PPARG: variants seen among roughly 807,000 people sequenced by gnomAD.
The protein encoded by PPARG is peroxisome proliferator activated receptor gamma, also known as peroxisome proliferator-activated receptor gamma.
PPARG carries 17 observed loss-of-function variants against 39.2 expected under a neutral mutation model. The ratio of observed to expected loss-of-function variants is 0.43; its 90% CI spans 0.30 to 0.65. The LOEUF (loss-of-function observed/expected upper bound fraction) is 0.65. PPARG is among the 30% of genes least tolerant of loss of function. The probability of loss-of-function intolerance (pLI) is 0.13; values close to 1 mark genes in which losing one functional copy is unlikely to be tolerated. For missense variants in PPARG, 406 were observed against 585.9 expected, an observed-to-expected ratio of 0.69 and a Z score of 3.17; for synonymous variants, 223 against 215.7, an observed-to-expected ratio of 1.03 and a Z score of -0.30.
intron 7 of PPARG, among the ~76,000 whole-genome samples, chr3:12,417,902 CTTTTTTTTTTTTT>C (rs869086237): frequency 1.5e-5 from 1 of 65,900 alleles, no homozygotes; most frequent in Non-Finnish European, 2.7e-5. Context: ...TTTTTTTTTC[CTTTTTTTTTTTTT>C]TTTTTTTTTT....
intron 2 of PPARG, among the ~76,000 whole-genome samples, chr3:12,336,627 A>G (rs753372541): frequency 1.8e-4 from 28 of 152,342 alleles, no homozygotes; most frequent in Non-Finnish European, 3.8e-4. Context: ...TCTCCTTTAG[A>G]GTCCTCCAGA....
chr3:12,351,439 A>G (rs754803094), intron 2 of PPARG: 31 of 681,736 alleles, frequency 4.5e-5, no homozygotes, highest in African/African-American at 7.1e-5. Context: ...GTTTATTCCC[A>G]TCTCTCCCAA....
chr3:12,354,753 CAAAAAA>C (rs71063823), intron 2 of PPARG, among the ~76,000 whole-genome samples: 1 of 116,232 alleles, frequency 8.6e-6, no homozygotes. Context: ...GACTCCATCT[CAAAAAA>C]AAAAAAAAAA....
intron 2 of PPARG, among the ~76,000 whole-genome samples, chr3:12,375,245 G>A (rs556922298): frequency 0.013 from 1,895 of 148,060 alleles, 78 homozygotes; most frequent in African/African-American, 0.044. Context: ...TGGGGAGGTG[G>A]GAGAGAGAGA....
chr3:12,361,246 G>A (rs2048837308), intron 2 of PPARG, among the ~76,000 whole-genome samples: 1 of 151,978 alleles, frequency 6.6e-6, no homozygotes, highest in Non-Finnish European at 1.5e-5. Context: ...TTTTTATATT[G>A]AGTACTTTAG....
intron 2 of PPARG, among the ~76,000 whole-genome samples, chr3:12,323,288 T>C (rs2047599187): frequency 6.6e-6 from 1 of 152,174 alleles, no homozygotes; most frequent in South Asian, 2.1e-4. Context: ...TTGATGAAGA[T>C]GTGAAGTTAG....
At chr3:12,388,297 C>T (rs898541435) in intron 4 of PPARG, among the ~76,000 whole-genome samples, 3 of 152,134 alleles carry the variant, frequency 2.0e-5, no homozygotes, top group African/African-American at 7.2e-5. Context: ...TGAAAACTCT[C>T]CAAAACAACA....
intron 5 of PPARG, among the ~76,000 whole-genome samples, chr3:12,404,836 T>C (rs1475318371): frequency 2.0e-5 from 3 of 152,086 alleles, no homozygotes; most frequent in Non-Finnish European, 4.4e-5. Flanking sequence ...AAAAATCTCT[T>C]TGTTCTGGGA....
intron 7 of PPARG, among the ~76,000 whole-genome samples, chr3:12,431,530 C>T (rs928517031): frequency 6.6e-6 from 1 of 152,030 alleles, no homozygotes; most frequent in South Asian, 2.1e-4. Context: ...ACAAAACACA[C>T]AATTTTTAAA....
At chr3:12,365,278 C>G (rs992704937) in intron 2 of PPARG, among the ~76,000 whole-genome samples, 4 of 152,314 alleles carry the variant, frequency 2.6e-5, no homozygotes, top group African/African-American at 9.6e-5. Context: ...GGTTGGGAAC[C>G]CCTGCTTTAT....
At chr3:12,345,643 A>G (rs985540917) in intron 2 of PPARG, among the ~76,000 whole-genome samples, 1 of 152,162 alleles carries the variant, frequency 6.6e-6, no homozygotes, top group African/African-American at 2.4e-5. Flanking sequence ...CATTTTCCTT[A>G]TATCAAAAAT....
chr3:12,396,688 G>A (rs1318121996), intron 5 of PPARG, among the ~76,000 whole-genome samples: 1 of 151,050 alleles, frequency 6.6e-6, no homozygotes, highest in Non-Finnish European at 1.5e-5. Flanking sequence ...AGCCCAGGGG[G>A]TGGAAGTTGC....
chr3:12,296,254 CAAAAAAAAAAAA>C (rs545210244), intron 1 of PPARG, among the ~76,000 whole-genome samples: 1 of 48,628 alleles, frequency 2.1e-5, no homozygotes, highest in African/African-American at 8.1e-5. Flanking sequence ...CACTTTGTCT[CAAAAAAAAAAAA>C]AAAAAAAAAA....
chr3:12,318,714 G>A (rs1265444133), intron 2 of PPARG, among the ~76,000 whole-genome samples: 2 of 152,098 alleles, frequency 1.3e-5, no homozygotes, highest in Non-Finnish European at 2.9e-5. Context: ...CTGAGTTATA[G>A]TATTCTTGGT....
At chr3:12,310,890 A>G (rs1223739186) in intron 1 of PPARG, among the ~76,000 whole-genome samples, 1 of 147,306 alleles carries the variant, frequency 6.8e-6, no homozygotes, top group East Asian at 2.0e-4. Context: ...TGTTGTGTGT[A>G]ATGAGCGGTT....
At chr3:12,397,392 T>G (rs2050304908) in intron 5 of PPARG, among the ~76,000 whole-genome samples, 2 of 137,580 alleles carry the variant, frequency 1.5e-5, no homozygotes. Flanking sequence ...TTATTATTAT[T>G]ATTATTATTA....
At chr3:12,302,494 T>TA (rs2046953344) in intron 1 of PPARG, among the ~76,000 whole-genome samples, 1 of 152,128 alleles carries the variant, frequency 6.6e-6, no homozygotes, top group Non-Finnish European at 1.5e-5. Context: ...ACTTCATAAA[T>TA]ACATTTTAAA....
intron 7 of PPARG, among the ~76,000 whole-genome samples, chr3:12,421,001 G>A (rs766787901): frequency 1.3e-5 from 2 of 152,132 alleles, no homozygotes; most frequent in Non-Finnish European, 2.9e-5. Context: ...CCTTTTTAAG[G>A]GCATTTCATG....
At chr3:12,309,911 A>T (rs2047178827) in intron 1 of PPARG, among the ~76,000 whole-genome samples, 1 of 152,320 alleles carries the variant, frequency 6.6e-6, no homozygotes, top group Admixed American at 6.5e-5. Flanking sequence ...CTGTCTTCAC[A>T]GCCCAGTTCT....
Sources: allele counts gnomAD v4.1 joint callset (sites outside exome capture counted in the v4.1 genomes callset), GRCh38; gene constraint gnomAD v4.1.1; transcripts MANE v1.5; gene names NCBI Gene and HGNC (gene_info 2026-07-23, HGNC 2026-07-21).